SLCO2A1: variants seen among roughly 807,000 people sequenced by gnomAD.
SLCO2A1 encodes the protein matrin F/G 1.
SLCO2A1 carries 60 observed loss-of-function variants against 71.7 expected under a neutral mutation model. That is an observed-to-expected ratio of 0.84 (90% CI 0.68 to 1.04). The LOEUF (loss-of-function observed/expected upper bound fraction) is 1.04. Ranked by LOEUF, SLCO2A1 falls within the 50% of genes least tolerant of loss-of-function variation. SLCO2A1 has a pLI of 0.00. For missense variants in SLCO2A1, 745 were observed against 813.4 expected, an observed-to-expected ratio of 0.92 and a Z score of 1.02; for synonymous variants, 308 against 326.7, an observed-to-expected ratio of 0.94 and a Z score of 0.62.
chr3:134,000,335 G>A (rs989330339), intron 1 of SLCO2A1, among the ~76,000 whole-genome samples: 6 of 152,198 alleles, frequency 3.9e-5, no homozygotes, highest in African/African-American at 7.2e-5. Flanking sequence ...ATTCCACAGA[G>A]AGGAGGTCAC....
intron 1 of SLCO2A1, among the ~76,000 whole-genome samples, chr3:134,028,235 C>T (rs368366027): frequency 6.6e-5 from 10 of 152,146 alleles, no homozygotes; most frequent in African/African-American, 2.4e-4. Context: ...GGTTGCCCCA[C>T]CCTGGTTCCT....
chr3:134,008,753 C>G (rs1935274180), intron 1 of SLCO2A1, among the ~76,000 whole-genome samples: 1 of 152,194 alleles, frequency 6.6e-6, no homozygotes, highest in African/African-American at 2.4e-5. Context: ...GGAGTGGGCA[C>G]CAGAAGAGCA....
At chr3:133,942,925 G>A (rs1163150410) in intron 10 of SLCO2A1, among the ~76,000 whole-genome samples, 157 bp from the exon 11 acceptor site, 1 of 152,204 alleles carries the variant, frequency 6.6e-6, no homozygotes, top group East Asian at 1.9e-4. Flanking sequence ...CTGGGGCCAG[G>A]TGAGGGTTTC....
intron 1 of SLCO2A1, among the ~76,000 whole-genome samples, chr3:134,017,752 G>C (rs6791704): frequency 0.14 from 21,077 of 152,142 alleles, 2,020 homozygotes; most frequent in East Asian, 0.37. Flanking sequence ...AAACTAAGTG[G>C]GGGTTGAGAA....
At chr3:133,972,337 G>A (rs1001931088) in intron 3 of SLCO2A1, among the ~76,000 whole-genome samples, 5 of 152,106 alleles carry the variant, frequency 3.3e-5, no homozygotes, top group South Asian at 4.1e-4. Context: ...CCAGGATGCA[G>A]CATAAAGCAC....
At chr3:133,964,755 C>T (rs1319162269) in intron 3 of SLCO2A1, among the ~76,000 whole-genome samples, 4 of 152,214 alleles carry the variant, frequency 2.6e-5, no homozygotes, top group Non-Finnish European at 5.9e-5. Context: ...AGGGAAAATG[C>T]CTACTTGTAT....
chr3:133,966,366 T>C (rs1934167493), intron 3 of SLCO2A1, among the ~76,000 whole-genome samples: 1 of 152,198 alleles, frequency 6.6e-6, no homozygotes, highest in Non-Finnish European at 1.5e-5. Flanking sequence ...CCAAATCTTC[T>C]GCAACCAATG....
At chr3:134,008,771 C>A (rs1935274620) in intron 1 of SLCO2A1, among the ~76,000 whole-genome samples, 1 of 152,246 alleles carries the variant, frequency 6.6e-6, no homozygotes, top group Non-Finnish European at 1.5e-5. Flanking sequence ...GCAGAGAGAG[C>A]AGATTCCTGG....
intron 1 of SLCO2A1, among the ~76,000 whole-genome samples, chr3:133,988,399 T>C (rs1934763149): frequency 6.6e-6 from 1 of 152,184 alleles, no homozygotes; most frequent in Non-Finnish European, 1.5e-5. Flanking sequence ...ACCTAAACTA[T>C]AGGCTGGAAG....
intron 1 of SLCO2A1, among the ~76,000 whole-genome samples, chr3:134,008,406 T>C (rs1385739388): frequency 2.6e-5 from 4 of 152,170 alleles, no homozygotes; most frequent in Non-Finnish European, 1.5e-5. Flanking sequence ...CCAGCATCCA[T>C]CCCAACACCA....
At chr3:133,964,013 C>A (rs1379054609) in intron 3 of SLCO2A1, among the ~76,000 whole-genome samples, 6 of 152,228 alleles carry the variant, frequency 3.9e-5, no homozygotes, top group African/African-American at 1.4e-4. Flanking sequence ...CTAGTTAATC[C>A]ATAATGCCCC....
chr3:134,009,610 G>A (rs141144003), intron 1 of SLCO2A1, among the ~76,000 whole-genome samples: 16 of 152,340 alleles, frequency 1.1e-4, no homozygotes, highest in African/African-American at 3.4e-4. Context: ...CATGAAGGGC[G>A]TAAATGCTCA....
chr3:133,991,747 G>A (rs746935118), intron 1 of SLCO2A1, among the ~76,000 whole-genome samples: 3 of 152,166 alleles, frequency 2.0e-5, no homozygotes, highest in Non-Finnish European at 4.4e-5. Flanking sequence ...GCAGGGGGCC[G>A]GAGGAGCCAG....
At chr3:133,969,475 C>T (rs558584244) in intron 3 of SLCO2A1, among the ~76,000 whole-genome samples, 11 of 152,266 alleles carry the variant, frequency 7.2e-5, no homozygotes, top group Non-Finnish European at 1.3e-4. Context: ...AAGCCTCAAA[C>T]TTCTGGGCTC....
Position 133,975,985 on chromosome 3 carries a change from T to C in SLCO2A1, c.235-2160A>G, listed in dbSNP as rs75484645. 4.6e-3 allele frequency among the ~76,000 whole-genome samples: 701 copies of C among 152,372 alleles called. 1 individual carries two copies. The highest frequency in any genetic ancestry group is 7.8e-3 in the Non-Finnish European group (533 of 68,040). On this transcript the variant is annotated intron_variant, in intron 2 of 13. Transcript: ENST00000310926. Reference sequence around the variant, plus strand: ...CTATATTTATCCTTAGAATGATATATGAGCAGAGATTTTTGTCTGTTCATT... The same window carrying C: ...CTATATTTATCCTTAGAATGATATACGAGCAGAGATTTTTGTCTGTTCATT...
intron 5 of SLCO2A1, 100 bp downstream of exon 5, chr3:133,953,563 C>T: frequency 2.2e-6 from 2 of 895,142 alleles, no homozygotes; most frequent in Non-Finnish European, 3.7e-6. Flanking sequence ...CAGAGCGCAT[C>T]TGGAGCTGAA....
At chr3:134,001,879 A>G (rs1576454591) in intron 1 of SLCO2A1, among the ~76,000 whole-genome samples, 1 of 152,000 alleles carries the variant, frequency 6.6e-6, no homozygotes, top group Non-Finnish European at 1.5e-5. Context: ...CCTCTCTTCC[A>G]CCCCACCGCC....
chr3:133,937,369 C>A (rs1046637303), intron 12 of SLCO2A1, among the ~76,000 whole-genome samples: 6 of 152,206 alleles, frequency 3.9e-5, no homozygotes, highest in Non-Finnish European at 8.8e-5. Flanking sequence ...TCTGAAGGGG[C>A]TCTGCAGGGA....
intron 1 of SLCO2A1, among the ~76,000 whole-genome samples, chr3:134,017,870 A>C (rs1299797045): frequency 6.6e-6 from 1 of 152,244 alleles, no homozygotes; most frequent in Non-Finnish European, 1.5e-5. Context: ...AGCCACGTGC[A>C]CATCTCAACG....
Sources: allele counts gnomAD v4.1 joint callset (sites outside exome capture counted in the v4.1 genomes callset), GRCh38; gene constraint gnomAD v4.1.1; transcripts MANE v1.5; gene names NCBI Gene and HGNC (gene_info 2026-07-23, HGNC 2026-07-21).